The following ASXL3 variants were observed in gnomAD, a reference collection of about 807,000 sequenced individuals.
ASXL3 encodes ASXL transcriptional regulator 3.
ASXL3 carries 34 observed loss-of-function variants against 170.6 expected under a neutral mutation model. The observed-to-expected ratio is 0.20, with a 90% confidence interval of 0.15 to 0.27. ASXL3 has a LOEUF of 0.27. Ranked by LOEUF, ASXL3 falls within the 10% of genes least tolerant of loss-of-function variation. The probability of loss-of-function intolerance (pLI) is 1.00; values close to 1 mark genes in which losing one functional copy is unlikely to be tolerated. For synonymous variants in ASXL3, 1,002 were observed against 989.1 expected (o/e 1.01, Z -0.24); for missense variants, 2,592 against 2,695.3 (o/e 0.96, Z 0.85).
intron 10 of ASXL3, among the ~76,000 whole-genome samples, chr18:33,737,543 A>C (rs2067569026): frequency 6.6e-6 from 1 of 152,146 alleles, no homozygotes; most frequent in South Asian, 2.1e-4. Flanking sequence ...GATTTGCCTT[A>C]AGACCTGAAC....
At chr18:33,666,586 T>G (rs1393213503) in intron 5 of ASXL3, among the ~76,000 whole-genome samples, 3 of 152,210 alleles carry the variant, frequency 2.0e-5, no homozygotes, top group African/African-American at 7.2e-5. Context: ...TAATCACAAG[T>G]TAATTTGCAG....
At chr18:33,681,259 A>G (rs2066509698) in intron 7 of ASXL3, among the ~76,000 whole-genome samples, 2 of 151,964 alleles carry the variant, frequency 1.3e-5, no homozygotes, top group Non-Finnish European at 2.9e-5. Context: ...GTTTGGATTT[A>G]CTCATGTCTA....
Position 33,599,880 on chromosome 18 carries a change from T to C in ASXL3, c.55-7714T>C, listed in dbSNP as rs76864939. ...GTGGGTGCAATTTCAGAAGCAGATA[T>C]TGAAAGATCTGGAACTTTTAGTTGA... On this transcript the variant is annotated intron_variant, in intron 1 of 11. Transcript: ENST00000269197. Among the ~76,000 whole-genome samples the C allele has an allele frequency of 2.4e-4, 37 of 152,212 alleles. No individual in the cohort carries two copies. The East Asian group carries it at 5.2e-3, about 21-fold the overall frequency.
chr18:33,737,492 A>G (rs2067568138), intron 10 of ASXL3, among the ~76,000 whole-genome samples: 1 of 152,156 alleles, frequency 6.6e-6, no homozygotes, highest in African/African-American at 2.4e-5. Context: ...TATATGATAG[A>G]AAACAGTGAT....
chr18:33,669,474 C>T (rs577433485), intron 5 of ASXL3, among the ~76,000 whole-genome samples: 122 of 152,284 alleles, frequency 8.0e-4, no homozygotes, highest in Non-Finnish European at 1.5e-3. Context: ...GGCTTTAAAT[C>T]TTATCTGAAT....
intron 3 of ASXL3, among the ~76,000 whole-genome samples, chr18:33,645,658 A>G (rs2065905043): frequency 6.6e-6 from 1 of 152,038 alleles, no homozygotes; most frequent in Admixed American, 6.6e-5. Flanking sequence ...GTAACTTGGA[A>G]TAAGTACATT....
At chr18:33,721,212 T>C (rs2067252879) in intron 8 of ASXL3, among the ~76,000 whole-genome samples, 1 of 152,090 alleles carries the variant, frequency 6.6e-6, no homozygotes, top group Non-Finnish European at 1.5e-5. Flanking sequence ...TGATTGATTA[T>C]ATCCTCTGCT....
At chr18:33,625,196 T>C (rs2065582624) in intron 2 of ASXL3, among the ~76,000 whole-genome samples, 1 of 152,168 alleles carries the variant, frequency 6.6e-6, no homozygotes, top group Non-Finnish European at 1.5e-5. Flanking sequence ...TGAACTAAAC[T>C]ATGAATTCCA....
Position 33,744,722 on chromosome 18 carries a change from C to T in ASXL3, c.4874C>T (p.Ser1625Leu), listed in dbSNP as rs747122740. ...RSTGQPLVTH[S>L]GSSKQKEYLE... ...ACAGGACAGCCTCTGGTTACTCACT[C>T]GGGTTCAAGTAAACAAAAAGAATAT... Residue 1625 changes from serine to leucine, a missense_variant, in exon 12 of 12, where the codon TCG becomes TTG. By Grantham distance (145) the Ser-to-Leu change is moderately radical. Coordinates refer to ENST00000269197, the MANE Select transcript of ASXL3 (RefSeq NM_030632.3). The T allele has an allele frequency of 8.1e-6, 13 of 1,613,086 alleles. No individual in the cohort carries two copies. The African/African-American group carries it at 1.5e-4, about 18-fold the overall frequency.
At chr18:33,601,060 G>A (rs1329337812) in intron 1 of ASXL3, among the ~76,000 whole-genome samples, 1 of 152,112 alleles carries the variant, frequency 6.6e-6, no homozygotes, top group Non-Finnish European at 1.5e-5. Flanking sequence ...GCACAGTATG[G>A]TGCAGGCTTT....
At chr18:33,675,971 A>G (rs1050035587) in intron 7 of ASXL3, among the ~76,000 whole-genome samples, 1 of 152,036 alleles carries the variant, frequency 6.6e-6, no homozygotes, top group Non-Finnish European at 1.5e-5. Context: ...CACACCTGTA[A>G]TCCAGCACTT....
chr18:33,593,348 CAG>C (rs1372595184), intron 1 of ASXL3, among the ~76,000 whole-genome samples: 1 of 142,408 alleles, frequency 7.0e-6, no homozygotes, highest in African/African-American at 2.6e-5. Context: ...CTGTCTGTCT[CAG>C]AGATTCCAGT....
intron 4 of ASXL3, among the ~76,000 whole-genome samples, chr18:33,660,370 G>A (rs1350815743): frequency 2.0e-5 from 3 of 151,902 alleles, no homozygotes; most frequent in African/African-American, 4.8e-5. Flanking sequence ...TGCCTCTCAC[G>A]GGCCGCATAG....
At position 33,683,427 on chromosome 18, in the gene ASXL3, T is replaced by C; in HGVS notation, c.738T>C (p.Ala246=). 1.2e-6 allele frequency: 2 copies of C among 1,613,192 alleles called. No homozygotes were observed. The highest frequency in any genetic ancestry group is 1.7e-6 in the Non-Finnish European group (2 of 1,179,488). The stretch of plus-strand genomic sequence containing the variant: ...CAGGGCACTTGAAATGGACCAAAGC[T>C]GAGGACATTGACATAGAAACCCCAG... The part of the protein sequence containing the change: ...SGLGHLKWTK[A]EDIDIETPGS... The change falls in exon 8 of 12, where the codon GCT becomes GCC. Residue 246 remains alanine (A), a synonymous_variant. Transcript: ENST00000269197.
intron 2 of ASXL3, among the ~76,000 whole-genome samples, chr18:33,609,302 T>C (rs1045746354): frequency 6.6e-6 from 1 of 152,038 alleles, no homozygotes; most frequent in African/African-American, 2.4e-5. Flanking sequence ...TACTGTCTTA[T>C]GTGGGCTTTG....
At chr18:33,609,129 G>A (rs1182492602) in intron 2 of ASXL3, 6 of 933,550 alleles carry the variant, frequency 6.4e-6, no homozygotes, top group Admixed American at 6.2e-5. Flanking sequence ...TTTTAACCCG[G>A]ATGTCAGTTT....
intron 11 of ASXL3, among the ~76,000 whole-genome samples, chr18:33,741,242 C>CTTAT (rs2067656437): frequency 6.6e-6 from 1 of 151,892 alleles, no homozygotes; most frequent in Non-Finnish European, 1.5e-5. Context: ...CTGTCAAAAG[C>CTTAT]TTATTTTCAA....
chr18:33,624,793 A>C (rs2065574818), intron 2 of ASXL3, among the ~76,000 whole-genome samples: 1 of 152,166 alleles, frequency 6.6e-6, no homozygotes, highest in African/African-American at 2.4e-5. Flanking sequence ...GTATGTAGGA[A>C]ATAATTCTTT....
intron 8 of ASXL3, among the ~76,000 whole-genome samples, chr18:33,699,328 A>G (rs1164249508): frequency 1.3e-5 from 2 of 152,180 alleles, no homozygotes; most frequent in African/African-American, 4.8e-5. Context: ...CACCAAATAC[A>G]CATCATCAAT....
Sources: gnomAD v4.1 joint callset for allele counts (sites outside exome capture counted in the v4.1 genomes callset) on GRCh38, gnomAD v4.1.1 for gene constraint, MANE v1.5 for transcripts, NCBI Gene and HGNC (gene_info 2026-07-23, HGNC 2026-07-21) for gene names.